Variants in APBA2 observed in about 807,000 individuals in gnomAD.
APBA2 encodes the protein amyloid beta precursor protein binding family A member 2, also known as amyloid-beta A4 precursor protein-binding family A member 2.
APBA2 carries 30 observed loss-of-function variants against 75.0 expected under a neutral mutation model. The observed-to-expected ratio is 0.40, with a 90% confidence interval of 0.30 to 0.54. The LOEUF is 0.54. APBA2 is among the 20% of genes least tolerant of loss of function. The pLI, the probability that APBA2 is intolerant of heterozygous loss-of-function variation, is 0.49. For synonymous variants in APBA2, 444 were observed against 409.6 expected (o/e 1.08, Z -1.01); for missense variants, 801 against 1,016.1 (o/e 0.79, Z 2.88).
intron 3 of APBA2, among the ~76,000 whole-genome samples, chr15:29,009,579 C>T (rs1340120273): frequency 6.6e-6 from 1 of 152,168 alleles, no homozygotes; most frequent in African/African-American, 2.4e-5. Context: ...AACCCACCCC[C>T]GACCACTACC....
intron 3 of APBA2, among the ~76,000 whole-genome samples, chr15:29,045,788 A>G (rs941857142): frequency 4.6e-5 from 7 of 152,282 alleles, no homozygotes; most frequent in Middle Eastern, 6.8e-3. Flanking sequence ...TATATTTCCT[A>G]TTAAGAACAC....
intron 3 of APBA2, among the ~76,000 whole-genome samples, chr15:29,003,063 G>T (rs570632838): frequency 6.6e-6 from 1 of 152,282 alleles, no homozygotes; most frequent in African/African-American, 2.4e-5. Flanking sequence ...GAGCTAGGGG[G>T]TGAGGTAGAA....
intron 4 of APBA2, among the ~76,000 whole-genome samples, chr15:29,066,628 G>A (rs1289811186): frequency 2.6e-5 from 4 of 152,136 alleles, no homozygotes; most frequent in African/African-American, 9.7e-5. Context: ...GGAGGTCATC[G>A]GTGGTGATGG....
chr15:29,012,553 C>T (rs2039452239), intron 3 of APBA2, among the ~76,000 whole-genome samples: 1 of 152,218 alleles, frequency 6.6e-6, no homozygotes, highest in Non-Finnish European at 1.5e-5. Flanking sequence ...CAATTCTGCA[C>T]AGGGAGATTG....
intron 3 of APBA2, among the ~76,000 whole-genome samples, chr15:29,013,506 GTCCTGACCT>G (rs2039509464): frequency 6.6e-6 from 1 of 151,882 alleles, no homozygotes; most frequent in African/African-American, 2.4e-5. Context: ...TGGTCTTGAT[GTCCTGACCT>G]CGTGATCCAC....
At chr15:29,065,328 G>C (rs1243065340) in intron 4 of APBA2, among the ~76,000 whole-genome samples, 1 of 152,142 alleles carries the variant, frequency 6.6e-6, no homozygotes, top group Admixed American at 6.5e-5. Context: ...AAGAAAGATC[G>C]CATGGCTGAA....
At chr15:29,102,946 A>G (rs2044202488) in intron 10 of APBA2, among the ~76,000 whole-genome samples, 1 of 70,826 alleles carries the variant, frequency 1.4e-5, no homozygotes, top group South Asian at 8.0e-4. Context: ...TCTTCTTCCT[A>G]AGAACTTGGG....
chr15:28,976,591 T>C (rs1173927684), intron 2 of APBA2, among the ~76,000 whole-genome samples: 2 of 152,240 alleles, frequency 1.3e-5, no homozygotes, highest in African/African-American at 4.8e-5. Context: ...TCAATTGAGA[T>C]GATCTGTTAA....
At chr15:29,023,935 G>A (rs1034398016) in intron 3 of APBA2, among the ~76,000 whole-genome samples, 4 of 138,988 alleles carry the variant, frequency 2.9e-5, no homozygotes, top group Admixed American at 7.5e-5. Context: ...ATACAGTCTC[G>A]CTCTGTTGCC....
intron 3 of APBA2, among the ~76,000 whole-genome samples, chr15:29,032,390 G>T (rs2040533241): frequency 1.3e-5 from 2 of 152,348 alleles, no homozygotes; most frequent in South Asian, 4.1e-4. Flanking sequence ...GAAGGGGAAG[G>T]TCGGCCCCCA....
rs1259916434 is a variant in APBA2, at chr15:29,094,263, C to G, written c.1216-15C>G. ...CTGTGCCAACTTGTTTTTCTTTTCT[C>G]TTCCATGCTGTCAGAGGATGCAAAA... On this transcript the variant is annotated splice_polypyrimidine_tract_variant and intron_variant, in intron 7 of 14. Transcript: ENST00000683413. 6.2e-7 allele frequency: 1 copy of G among 1,614,190 alleles called. No individual in the cohort carries two copies. Among genetic ancestry groups the G allele is most frequent in the Non-Finnish European group, 8.5e-7 (1 of 1,180,000 alleles).
chr15:28,909,471 C>T (rs567711388), intron 1 of APBA2, among the ~76,000 whole-genome samples: 4 of 152,352 alleles, frequency 2.6e-5, no homozygotes, highest in African/African-American at 4.8e-5. Flanking sequence ...ACTACTGCCC[C>T]CATTGTATGG....
intron 2 of APBA2, among the ~76,000 whole-genome samples, chr15:28,986,001 C>T (rs184099180): frequency 6.8e-4 from 103 of 152,306 alleles, no homozygotes; most frequent in Admixed American, 2.0e-3. Context: ...GTGGTGCCCT[C>T]CCTGCCTCTC....
intron 8 of APBA2, among the ~76,000 whole-genome samples, chr15:29,095,147 G>A (rs928459984): frequency 6.6e-6 from 1 of 152,182 alleles, no homozygotes; most frequent in African/African-American, 2.4e-5. Flanking sequence ...TGACACTGAG[G>A]CCGGGCGCCG....
rs543949626 is a variant in APBA2 at position 29,004,197 on chromosome 15, T to C, written c.-41+8391T>C. 2.6e-5 allele frequency among the ~76,000 whole-genome samples: 4 copies of C among 152,280 alleles called. No homozygotes were observed. The East Asian group carries it at 7.7e-4, about 29-fold the overall frequency. On this transcript the variant is annotated intron_variant, in intron 3 of 14. Coordinates refer to ENST00000683413, the MANE Select transcript of APBA2 (RefSeq NM_001353788.2). ...TCTAGGATCCCTTCTAAAAGCCAAG[T>C]TCTAGATAGAATCTGGCCTTTCAGG...
intron 2 of APBA2, among the ~76,000 whole-genome samples, chr15:28,966,168 T>G (rs1471963583): frequency 6.6e-6 from 1 of 152,150 alleles, no homozygotes; most frequent in African/African-American, 2.4e-5. Context: ...GAATGTGTAT[T>G]CTGCAGTTTT....
intron 6 of APBA2, among the ~76,000 whole-genome samples, chr15:29,083,848 G>C (rs971182543): frequency 3.9e-5 from 6 of 152,018 alleles, no homozygotes; most frequent in African/African-American, 1.4e-4. Context: ...AACTCTTACT[G>C]GTATTTTTAT....
chr15:28,950,162 T>G (rs781253364), intron 2 of APBA2, among the ~76,000 whole-genome samples: 2 of 152,208 alleles, frequency 1.3e-5, no homozygotes, highest in African/African-American at 2.4e-5. Flanking sequence ...GTTTATCTGC[T>G]GTTCTTCTCA....
At chr15:29,075,584 G>C (rs899297612) in intron 5 of APBA2, among the ~76,000 whole-genome samples, 4 of 152,176 alleles carry the variant, frequency 2.6e-5, no homozygotes, top group African/African-American at 9.7e-5. Flanking sequence ...TCAACAACAG[G>C]TTTTAACAAA....
Sources: allele counts gnomAD v4.1 joint callset (sites outside exome capture counted in the v4.1 genomes callset), GRCh38; gene constraint gnomAD v4.1.1; transcripts MANE v1.5; gene names NCBI Gene and HGNC (gene_info 2026-07-23, HGNC 2026-07-21).